WAPL: variants seen among roughly 807,000 people sequenced by gnomAD.
WAPL encodes the protein WAPL cohesin release factor, also known as wings apart-like protein homolog.
WAPL carries 5 observed loss-of-function variants against 121.0 expected under a neutral mutation model. The observed-to-expected ratio is 0.04, with a 90% confidence interval of 0.02 to 0.09. WAPL has a LOEUF of 0.09. Among genes scored for constraint, WAPL ranks in the 10% least tolerant of loss-of-function variants. WAPL has a pLI of 1.00. For synonymous variants in WAPL, 480 were observed against 481.5 expected (o/e 1.00, Z 0.04); for missense variants, 999 against 1,410.8 (o/e 0.71, Z 4.68).
chr10:86,506,286 A>C (rs1842347227), intron 2 of WAPL, among the ~76,000 whole-genome samples: 1 of 152,206 alleles, frequency 6.6e-6, no homozygotes, highest in Non-Finnish European at 1.5e-5. Flanking sequence ...GTGAGGAAGG[A>C]GGAAGTGATG....
intron 8 of WAPL, among the ~76,000 whole-genome samples, chr10:86,469,426 G>C (rs1382375356): frequency 1.3e-5 from 2 of 151,336 alleles, no homozygotes; most frequent in Non-Finnish European, 2.9e-5. Flanking sequence ...GTAATTTTTT[G>C]CATTTTTAGT....
chr10:86,474,497 G>C (rs1037071265), intron 4 of WAPL, among the ~76,000 whole-genome samples: 2 of 140,668 alleles, frequency 1.4e-5, no homozygotes, highest in African/African-American at 5.4e-5. Flanking sequence ...CTGGGTGACA[G>C]AGTGAGACTC....
chr10:86,503,101 T>C (rs11202045), intron 2 of WAPL, among the ~76,000 whole-genome samples: 3,124 of 152,168 alleles, frequency 0.021, 122 homozygotes, highest in African/African-American at 0.071. Context: ...GAGGTTGCAG[T>C]GAGCCAAGAT....
intron 16 of WAPL, 60 bp downstream of exon 16, chr10:86,446,181 AG>A: frequency 6.3e-7 from 1 of 1,581,996 alleles, no homozygotes; most frequent in South Asian, 1.1e-5. Context: ...AATAGTTTGA[AG>A]AAAAAAACAA....
chr10:86,490,375 T>G (rs970159267), intron 4 of WAPL, among the ~76,000 whole-genome samples: 5 of 152,246 alleles, frequency 3.3e-5, no homozygotes, highest in African/African-American at 1.2e-4. Flanking sequence ...TGCTGCTGAC[T>G]CAAGTTGCCA....
intron 12 of WAPL, among the ~76,000 whole-genome samples, chr10:86,457,044 T>G (rs1328454130): frequency 6.6e-6 from 1 of 152,120 alleles, no homozygotes; most frequent in Admixed American, 6.5e-5. Flanking sequence ...GGTTATGAAG[T>G]ATACAAAAGA....
intron 17 of WAPL, among the ~76,000 whole-genome samples, chr10:86,442,686 T>C (rs532919213): frequency 6.6e-6 from 1 of 152,320 alleles, no homozygotes. Flanking sequence ...ATACATTCCC[T>C]TTCCAATACA....
rs769358150 is a variant in WAPL at position 86,459,120 on chromosome 10, T to C, written c.2581-55A>G. The C allele has an allele frequency of 9.5e-5, 131 of 1,376,376 alleles. 1 individual carries two copies. In the Middle Eastern group the frequency reaches 2.7e-3, roughly 29 times the overall value. The allele number at this position is 1,376,376 out of a possible 1,614,324, so 85.3% of individuals were successfully genotyped here. A position where few individuals can be genotyped will look rare whatever the true frequency, so the allele number is the denominator to read the frequency against. The stretch of plus-strand genomic sequence containing the variant: ...GCAATCCAAAACTTTCATTCATTCA[T>C]GTAACACCACATTCTGCCTGGTGCG... On this transcript the variant is annotated intron_variant, in intron 11 of 18. Coordinates refer to ENST00000298767, the MANE Select transcript of WAPL (RefSeq NM_015045.5).
At chr10:86,495,863 C>T (rs1842139757) in intron 4 of WAPL, among the ~76,000 whole-genome samples, 1 of 152,032 alleles carries the variant, frequency 6.6e-6, no homozygotes, top group Admixed American at 6.5e-5. Flanking sequence ...ACCTGTAATC[C>T]CAGCACTCTG....
At chr10:86,446,587 G>T in intron 15 of WAPL, 138 bp from the exon 16 acceptor site, 1 of 1,009,422 alleles carries the variant, frequency 9.9e-7, no homozygotes, top group Non-Finnish European at 1.4e-6. Context: ...GTGAGTATAA[G>T]TAAAAGCTTT....
chr10:86,483,365 A>T (rs1385941069), intron 4 of WAPL, among the ~76,000 whole-genome samples: 1 of 152,024 alleles, frequency 6.6e-6, no homozygotes, highest in Non-Finnish European at 1.5e-5. Context: ...GGTTGCGGTA[A>T]GCTGAGATCC....
At chr10:86,456,146 C>T (rs1293515166) in intron 12 of WAPL, among the ~76,000 whole-genome samples, 1 of 152,124 alleles carries the variant, frequency 6.6e-6, no homozygotes, top group Non-Finnish European at 1.5e-5. Flanking sequence ...GTCTTGCAAG[C>T]TGTCACAGGG....
chr10:86,441,515 G>C (rs1849470773), intron 17 of WAPL, among the ~76,000 whole-genome samples: 1 of 151,730 alleles, frequency 6.6e-6, no homozygotes, highest in African/African-American at 2.4e-5. Context: ...GGGTCCCACA[G>C]GGGAAATAAA....
At chr10:86,497,982 A>G (rs1842181832) in intron 3 of WAPL, among the ~76,000 whole-genome samples, 1 of 152,172 alleles carries the variant, frequency 6.6e-6, no homozygotes, top group Non-Finnish European at 1.5e-5. Flanking sequence ...CTCTATCCCA[A>G]TGCTTAAAAT....
intron 4 of WAPL, among the ~76,000 whole-genome samples, chr10:86,487,986 T>C (rs1435585861): frequency 1.3e-5 from 2 of 152,270 alleles, no homozygotes; most frequent in Non-Finnish European, 1.5e-5. Flanking sequence ...GGCCAGACTA[T>C]GTCAGCAGAA....
intron 1 of WAPL, among the ~76,000 whole-genome samples, chr10:86,520,437 T>TTAA (rs1842652890): frequency 6.6e-6 from 1 of 152,194 alleles, no homozygotes; most frequent in South Asian, 2.1e-4. Context: ...ATAAATTTGT[T>TTAA]TAATAGTCAC....
At chr10:86,448,993 C>T (rs574924896) in intron 15 of WAPL, among the ~76,000 whole-genome samples, 21 of 152,212 alleles carry the variant, frequency 1.4e-4, no homozygotes, top group African/African-American at 5.1e-4. Flanking sequence ...CAAATGGTAA[C>T]GTTTTAGGAA....
At chr10:86,516,714 T>C (rs11202052) in intron 2 of WAPL, among the ~76,000 whole-genome samples, 3,113 of 152,142 alleles carry the variant, frequency 0.02, 120 homozygotes, top group African/African-American at 0.071. Flanking sequence ...GAACAAAATA[T>C]ATCGTTTTAG....
chr10:86,520,404 G>A (rs181423848), intron 1 of WAPL, among the ~76,000 whole-genome samples: 2 of 152,298 alleles, frequency 1.3e-5, no homozygotes, highest in East Asian at 3.9e-4. Flanking sequence ...CCAACATTAA[G>A]GAATGAGAAG....
Sources: gnomAD v4.1 joint callset for allele counts (sites outside exome capture counted in the v4.1 genomes callset) on GRCh38, gnomAD v4.1.1 for gene constraint, MANE v1.5 for transcripts, NCBI Gene and HGNC (gene_info 2026-07-23, HGNC 2026-07-21) for gene names.